Variants in HNF4G observed in about 807,000 individuals in gnomAD.
The protein encoded by HNF4G is hepatocyte nuclear factor 4 gamma, also known as hepatocyte nuclear factor 4-gamma.
HNF4G carries 21 observed loss-of-function variants against 50.9 expected under a neutral mutation model. The observed-to-expected ratio is 0.41, with a 90% CI of 0.29 to 0.59. HNF4G has a LOEUF of 0.59. Among genes scored for constraint, HNF4G ranks in the 20% least tolerant of loss-of-function variants. The probability of loss-of-function intolerance (pLI) is 0.26; values close to 1 mark genes in which losing one functional copy is unlikely to be tolerated. For synonymous variants in HNF4G, 198 were observed against 185.6 expected, an observed-to-expected ratio of 1.07 and a Z score of -0.54; for missense variants, 527 against 559.4, an observed-to-expected ratio of 0.94 and a Z score of 0.58.
At chr8:75,545,607 T>A (rs1276343420) in intron 2 of HNF4G, among the ~76,000 whole-genome samples, 1 of 152,150 alleles carries the variant, frequency 6.6e-6, no homozygotes, top group East Asian at 1.9e-4. Flanking sequence ...AATGTATCTA[T>A]TTCCTTAGAT....
upstream of HNF4G, among the ~76,000 whole-genome samples, chr8:75,536,949 T>C (rs1451770705): frequency 6.6e-6 from 1 of 152,132 alleles, no homozygotes; most frequent in African/African-American, 2.4e-5. Flanking sequence ...TAAAGAGGAA[T>C]GTAAATTAAT....
intron 2 of HNF4G, among the ~76,000 whole-genome samples, chr8:75,546,281 T>C (rs931937384): frequency 9.2e-5 from 14 of 152,134 alleles, no homozygotes; most frequent in African/African-American, 2.7e-4. Flanking sequence ...ATTTTACAAT[T>C]GTAAATTAAT....
At chr8:75,516,586 A>G (rs1235934010) in intron 2 of HNF4G, among the ~76,000 whole-genome samples, 1 of 152,112 alleles carries the variant, frequency 6.6e-6, no homozygotes, top group Non-Finnish European at 1.5e-5. Context: ...GATAAAGTTG[A>G]TTGATTGTGT....
intron 1 of HNF4G, among the ~76,000 whole-genome samples, chr8:75,462,239 T>G (rs1811872257): frequency 6.6e-6 from 1 of 152,188 alleles, no homozygotes; most frequent in South Asian, 2.1e-4. Flanking sequence ...CTGTACTTTA[T>G]TCACCCTTCT....
intron 2 of HNF4G, among the ~76,000 whole-genome samples, chr8:75,496,021 G>A (rs1244195211): frequency 6.6e-6 from 1 of 151,822 alleles, no homozygotes; most frequent in African/African-American, 2.4e-5. Flanking sequence ...TTATGAGCAG[G>A]TACTACTAAT....
At chr8:75,486,334 A>G (rs1438133753) in intron 1 of HNF4G, among the ~76,000 whole-genome samples, 2 of 152,126 alleles carry the variant, frequency 1.3e-5, no homozygotes, top group African/African-American at 4.8e-5. Flanking sequence ...AGAGACCTCA[A>G]CATGCTTTCT....
intron 1 of HNF4G, among the ~76,000 whole-genome samples, chr8:75,455,272 T>G (rs1326872544): frequency 6.6e-6 from 1 of 152,202 alleles, no homozygotes; most frequent in Non-Finnish European, 1.5e-5. Flanking sequence ...TTTTGAAACT[T>G]TTTATAAATT....
At chr8:75,552,485 A>G (rs1806987841) in intron 4 of HNF4G, among the ~76,000 whole-genome samples, 1 of 152,148 alleles carries the variant, frequency 6.6e-6, no homozygotes, top group South Asian at 2.1e-4. Context: ...AATTTATTAT[A>G]TGTTAAGCTC....
At chr8:75,485,185 T>A (rs1255431760) in intron 1 of HNF4G, among the ~76,000 whole-genome samples, 1 of 152,216 alleles carries the variant, frequency 6.6e-6, no homozygotes, top group Non-Finnish European at 1.5e-5. Context: ...GCACTGGTTC[T>A]TATTTTTTTC....
intron 1 of HNF4G, among the ~76,000 whole-genome samples, chr8:75,463,771 GA>G (rs1326260390): frequency 1.1e-4 from 14 of 132,268 alleles, no homozygotes; most frequent in South Asian, 2.5e-4. Flanking sequence ...TGAATATGTT[GA>G]TTTTTTTTTT....
intron 1 of HNF4G, among the ~76,000 whole-genome samples, chr8:75,460,797 AAG>A (rs1811821383): frequency 6.6e-6 from 1 of 152,174 alleles, no homozygotes; most frequent in Admixed American, 6.6e-5. Flanking sequence ...TCAATATTGG[AAG>A]AGTTTTCCCC....
intron 2 of HNF4G, among the ~76,000 whole-genome samples, chr8:75,510,454 C>T (rs1805719437): frequency 6.6e-6 from 1 of 152,222 alleles, no homozygotes; most frequent in Non-Finnish European, 1.5e-5. Context: ...ACTCACCACA[C>T]ACTCACTGAC....
intron 2 of HNF4G, among the ~76,000 whole-genome samples, chr8:75,495,994 G>A (rs777749547): frequency 6.2e-4 from 94 of 151,782 alleles, no homozygotes; most frequent in Non-Finnish European, 1.3e-3. Flanking sequence ...TAAATTTTGT[G>A]AGCTACTGTA....
At chr8:75,439,353 C>T (rs767062056) in intron 1 of HNF4G, among the ~76,000 whole-genome samples, 1 of 151,896 alleles carries the variant, frequency 6.6e-6, no homozygotes, top group African/African-American at 2.4e-5. Context: ...TACATGTCTG[C>T]ATTTTGATGA....
At chr8:75,464,897 T>C (rs901599652) in intron 1 of HNF4G, among the ~76,000 whole-genome samples, 18 of 152,228 alleles carry the variant, frequency 1.2e-4, no homozygotes, top group African/African-American at 2.9e-4. Flanking sequence ...GAAGTCCAAA[T>C]AGGAAGAACA....
intron 1 of HNF4G, among the ~76,000 whole-genome samples, chr8:75,476,066 A>G (rs929467514): frequency 6.6e-6 from 1 of 152,146 alleles, no homozygotes; most frequent in African/African-American, 2.4e-5. Flanking sequence ...ATTGCACCCA[A>G]AAGACCATTT....
intron 1 of HNF4G, among the ~76,000 whole-genome samples, chr8:75,441,299 G>T (rs1351912523): frequency 6.7e-6 from 1 of 149,962 alleles, no homozygotes; most frequent in Middle Eastern, 3.5e-3. Flanking sequence ...AGGCTAAAGT[G>T]CAATGGCACA....
rs1048537388 is a variant in HNF4G at position 75,551,306 on chromosome 8, TA to T, written c.383-72del. ...AAGACTTTTTCTCACTTTTTTTACT[TA>T]AAAAAAAAACTCCTTAAAATCTATA... is the stretch of plus-strand genomic sequence containing the variant. On this transcript the variant is annotated intron_variant, in intron 3 of 9. Transcript: ENST00000396423. 1,684 of 647,312 alleles carry T rather than the reference TA, an allele frequency of 2.6e-3. 1 individual carries two copies. The highest frequency in any genetic ancestry group is 4.4e-3 in the South Asian group (213 of 48,312). 40.1% of individuals were successfully genotyped at this position (647,312 alleles called of 1,614,324 possible).
At chr8:75,438,227 A>G (rs149975462) in intron 1 of HNF4G, among the ~76,000 whole-genome samples, 1 of 152,306 alleles carries the variant, frequency 6.6e-6, no homozygotes, top group East Asian at 1.9e-4. Context: ...CATACCTCCA[A>G]TTCTAATCCA....
Sources: allele counts gnomAD v4.1 joint callset (sites outside exome capture counted in the v4.1 genomes callset), GRCh38; gene constraint gnomAD v4.1.1; transcripts MANE v1.5; gene names NCBI Gene and HGNC (gene_info 2026-07-23, HGNC 2026-07-21).